Variants in TANC1 observed in about 807,000 individuals in gnomAD.
TANC1 encodes the protein tetratricopeptide repeat, ankyrin repeat and coiled-coil containing 1, also known as protein TANC1.
A neutral mutation model predicts 149.7 loss-of-function variants in TANC1; 77 were observed. The observed-to-expected ratio is 0.51, with a 90% CI of 0.43 to 0.62. TANC1 has a LOEUF of 0.62. TANC1 is among the 20% of genes least tolerant of loss of function. The pLI is 0.00. For missense variants in TANC1, 1,985 were observed against 2,321.8 expected (o/e 0.85, Z 2.98); for synonymous variants, 854 against 925.0 (o/e 0.92, Z 1.39).
intron 4 of TANC1, among the ~76,000 whole-genome samples, chr2:159,109,061 CA>C (rs2047463561): frequency 6.6e-6 from 1 of 152,210 alleles, no homozygotes; most frequent in African/African-American, 2.4e-5. Context: ...TTATTGGTCA[CA>C]GGTCCTGAGT....
chr2:159,183,869 C>G (rs2056728081), intron 14 of TANC1, among the ~76,000 whole-genome samples: 1 of 152,108 alleles, frequency 6.6e-6, no homozygotes, highest in African/African-American at 2.4e-5. Flanking sequence ...TCACAGCACC[C>G]AGTTAACTGA....
chr2:159,210,634 T>C (rs1044170575), intron 19 of TANC1, among the ~76,000 whole-genome samples: 7 of 152,086 alleles, frequency 4.6e-5, no homozygotes, highest in Non-Finnish European at 1.0e-4. Context: ...TGGCGAGATC[T>C]CGGCTCACTG....
chr2:159,171,300 G>A (rs1265497785), intron 10 of TANC1, among the ~76,000 whole-genome samples: 1 of 152,184 alleles, frequency 6.6e-6, no homozygotes, highest in Non-Finnish European at 1.5e-5. Flanking sequence ...CTCTAAACAT[G>A]GTGAACAAGT....
At chr2:159,107,417 C>T (rs1461078051) in intron 4 of TANC1, among the ~76,000 whole-genome samples, 1 of 152,180 alleles carries the variant, frequency 6.6e-6, no homozygotes, top group Non-Finnish European at 1.5e-5. Flanking sequence ...GTCCTAGTAA[C>T]CGTTGCCTAA....
chr2:159,029,435 A>G (rs1158943546), intron 2 of TANC1, among the ~76,000 whole-genome samples: 2 of 152,220 alleles, frequency 1.3e-5, no homozygotes, highest in Non-Finnish European at 2.9e-5. Flanking sequence ...GCATTGTTCC[A>G]TGTAATGCAT....
At chr2:158,994,076 G>T (rs1198192511) in intron 1 of TANC1, among the ~76,000 whole-genome samples, 8 of 152,078 alleles carry the variant, frequency 5.3e-5, no homozygotes. Context: ...TCACTTTCCA[G>T]GGGGGGATTT....
At chr2:158,996,497 C>T (rs1237413681) in intron 1 of TANC1, among the ~76,000 whole-genome samples, 2 of 152,214 alleles carry the variant, frequency 1.3e-5, no homozygotes, top group East Asian at 3.8e-4. Context: ...AATATGCATT[C>T]TTCTAGAAAT....
intron 3 of TANC1, among the ~76,000 whole-genome samples, chr2:159,084,576 C>G (rs1263061272): frequency 6.6e-6 from 1 of 152,168 alleles, no homozygotes; most frequent in Non-Finnish European, 1.5e-5. Context: ...GACAGCTTTG[C>G]TGACGGGACT....
chr2:159,048,812 G>A (rs1461039233), intron 2 of TANC1, among the ~76,000 whole-genome samples: 2 of 152,144 alleles, frequency 1.3e-5, no homozygotes, highest in Admixed American at 6.5e-5. Context: ...GAAGTTTTTT[G>A]TAGAGATGGG....
intron 2 of TANC1, among the ~76,000 whole-genome samples, chr2:159,009,024 G>A (rs1273837258): frequency 2.6e-5 from 4 of 152,140 alleles, no homozygotes; most frequent in African/African-American, 9.7e-5. Context: ...AACTACTGAA[G>A]AAGGCAGCAA....
intron 2 of TANC1, chr2:159,004,315 C>G: frequency 6.2e-7 from 1 of 1,611,780 alleles, no homozygotes; most frequent in Admixed American, 1.7e-5. Flanking sequence ...AAGAATGAAG[C>G]TAACTAAAAG....
At chr2:159,144,345 A>G (rs1314167474) in intron 5 of TANC1, among the ~76,000 whole-genome samples, 2 of 152,286 alleles carry the variant, frequency 1.3e-5, no homozygotes, top group East Asian at 3.9e-4. Context: ...TTATTGACAG[A>G]AACAGAGCAG....
intron 19 of TANC1, among the ~76,000 whole-genome samples, chr2:159,216,247 T>G (rs2059337842): frequency 1.3e-5 from 2 of 152,218 alleles, no homozygotes; most frequent in Admixed American, 1.3e-4. Context: ...TGCCCCATTT[T>G]CAGCCTGAGA....
chr2:159,020,831 A>G (rs6714284), intron 2 of TANC1, among the ~76,000 whole-genome samples: 38 of 151,834 alleles, frequency 2.5e-4, no homozygotes, highest in African/African-American at 6.3e-4. Flanking sequence ...TATATAGACA[A>G]TCTTCTTGGA....
chr2:159,186,956 G>T lies in TANC1; in HGVS notation c.2674G>T (p.Gly892Cys). The T allele has an allele frequency of 6.2e-7, 1 of 1,614,142 alleles. No homozygotes were observed. Among genetic ancestry groups the T allele is most frequent in the Non-Finnish European group, 8.5e-7 (1 of 1,180,006 alleles). Reference protein sequence around the residue: ...SSSHLQALWIGYSTEGLSAAL... With the variant: ...SSSHLQALWICYSTEGLSAAL... ...AAGCCATCTCCAAGCCCTGTGGATC[G>T]GCTACAGCACCGAGGGGCTGTCCGC... The change falls in exon 16 of 27, where the codon GGC becomes TGC. Residue 892 changes from glycine to cysteine, a missense_variant. Gly to Cys is a radical substitution (Grantham distance 159). Around this residue, in one of 3 missense-constraint regions of TANC1, gnomAD observed 508 missense variants for 714.2 expected, o/e 0.71. Transcript: ENST00000263635.
At chr2:159,110,770 G>T (rs2047647387) in intron 4 of TANC1, among the ~76,000 whole-genome samples, 1 of 152,154 alleles carries the variant, frequency 6.6e-6, no homozygotes, top group Non-Finnish European at 1.5e-5. Context: ...GTGTGACTTG[G>T]TCGCCATGAA....
intron 3 of TANC1, among the ~76,000 whole-genome samples, chr2:159,091,322 G>A (rs1031951214): frequency 8.5e-5 from 13 of 152,178 alleles, no homozygotes; most frequent in Admixed American, 1.3e-4. Context: ...AATTTGTGGC[G>A]TGGCTGTGAA....
In TANC1 at chr2:159,076,714, GAGTTCAATTTCTTGC is replaced by G. The variant is rs536974928; in HGVS notation, c.61+10744_61+10758del. ...TAGATCTAGGAGGATCTTAGAAATTGAGTTCAATTTCTTGCTTGAGGAAGACCTGGAAAAAGAGGC... is the reference window on the plus strand; with the variant it reads ...TAGATCTAGGAGGATCTTAGAAATTGTTGAGGAAGACCTGGAAAAAGAGGC... On this transcript the variant is annotated intron_variant, in intron 3 of 26. Coordinates refer to ENST00000263635, the MANE Select transcript of TANC1 (RefSeq NM_033394.3). Among the ~76,000 whole-genome samples the G allele has an allele frequency of 4.5e-3, 685 of 152,254 alleles. 4 individuals are homozygous for G. Among genetic ancestry groups the G allele is most frequent in the African/African-American group, 0.015 (639 of 41,544 alleles).
chr2:159,096,096 A>G (rs188887237), intron 3 of TANC1, among the ~76,000 whole-genome samples: 60 of 152,234 alleles, frequency 3.9e-4, no homozygotes, highest in African/African-American at 1.3e-3. Context: ...CTTGTGGGAA[A>G]GTTTATACAT....
Sources: allele counts gnomAD v4.1 joint callset (sites outside exome capture counted in the v4.1 genomes callset), GRCh38; gene constraint gnomAD v4.1.1; regional missense constraint gnomAD v4.1.1; transcripts MANE v1.5; gene names NCBI Gene and HGNC (gene_info 2026-07-23, HGNC 2026-07-21).